The following RASGEF1A variants were observed in gnomAD, a reference collection of about 807,000 sequenced individuals.
RASGEF1A encodes the protein ras-GEF domain-containing family member 1A.
In RASGEF1A, 18 loss-of-function variants were observed where a neutral mutation model predicts 56.4. The ratio of observed to expected loss-of-function variants is 0.32; its 90% CI spans 0.22 to 0.47. RASGEF1A has a LOEUF of 0.47. Ranked by LOEUF, RASGEF1A falls within the 20% of genes least tolerant of loss-of-function variation. RASGEF1A has a pLI of 1.00. For synonymous variants in RASGEF1A, 245 were observed against 242.6 expected (o/e 1.01, Z -0.09); for missense variants, 422 against 627.1 (o/e 0.67, Z 3.49).
At chr10:43,229,278 A>G (rs1055929323) in intron 1 of RASGEF1A, among the ~76,000 whole-genome samples, 2 of 151,904 alleles carry the variant, frequency 1.3e-5, no homozygotes, top group Non-Finnish European at 2.9e-5. Context: ...CAGACCACAC[A>G]CCGCGGACCA....
chr10:43,231,971 C>T (rs575683599), intron 1 of RASGEF1A, among the ~76,000 whole-genome samples: 1 of 152,250 alleles, frequency 6.6e-6, no homozygotes, highest in African/African-American at 2.4e-5. Flanking sequence ...CCAGACACCT[C>T]CTTTAGGGGC....
intron 1 of RASGEF1A, among the ~76,000 whole-genome samples, chr10:43,213,577 G>A (rs1240994381): frequency 1.3e-5 from 2 of 152,194 alleles, no homozygotes; most frequent in East Asian, 3.9e-4. Context: ...TTGTGAAAGA[G>A]TACGAATGAC....
intron 1 of RASGEF1A, among the ~76,000 whole-genome samples, chr10:43,249,569 G>A (rs1400597255): frequency 1.3e-5 from 2 of 152,214 alleles, no homozygotes; most frequent in Non-Finnish European, 2.9e-5. Context: ...GCACACAGCG[G>A]TGCAGGGTCC....
intron 1 of RASGEF1A, among the ~76,000 whole-genome samples, chr10:43,225,237 T>C (rs1459737339): frequency 1.0e-5 from 1 of 96,014 alleles, no homozygotes; most frequent in East Asian, 3.9e-4. Flanking sequence ...TGTGTGTGCA[T>C]GTCTGTGTGT....
intron 1 of RASGEF1A, among the ~76,000 whole-genome samples, chr10:43,227,143 C>A (rs946679159): frequency 6.6e-6 from 1 of 152,200 alleles, no homozygotes; most frequent in African/African-American, 2.4e-5. Flanking sequence ...TTCCTCTGGT[C>A]ACTCACCAGC....
intron 1 of RASGEF1A, among the ~76,000 whole-genome samples, chr10:43,257,002 G>A (rs529604237): frequency 6.6e-6 from 1 of 152,190 alleles, no homozygotes; most frequent in South Asian, 2.1e-4. Flanking sequence ...TCTATTTTTA[G>A]GTTGTGTCTG....
chr10:43,210,556 C>G (rs1359255001), intron 1 of RASGEF1A, among the ~76,000 whole-genome samples: 1 of 152,208 alleles, frequency 6.6e-6, no homozygotes, highest in African/African-American at 2.4e-5. Flanking sequence ...TCAAAGACAC[C>G]GTGCCTGACC....
At chr10:43,222,589 C>A (rs1840222813) in intron 1 of RASGEF1A, among the ~76,000 whole-genome samples, 1 of 152,242 alleles carries the variant, frequency 6.6e-6, no homozygotes, top group Non-Finnish European at 1.5e-5. Context: ...GACAGGGAAG[C>A]TCCACGCCCC....
chr10:43,204,893 CT>C (rs1839970007), intron 2 of RASGEF1A, among the ~76,000 whole-genome samples: 1 of 152,232 alleles, frequency 6.6e-6, no homozygotes, highest in Non-Finnish European at 1.5e-5. Context: ...GGCCCCTCCC[CT>C]GGCTCTGCCC....
intron 1 of RASGEF1A, among the ~76,000 whole-genome samples, chr10:43,228,359 C>A (rs1840310465): frequency 6.6e-6 from 1 of 152,226 alleles, no homozygotes; most frequent in South Asian, 2.1e-4. Flanking sequence ...CGCTGGGCAC[C>A]AAGTGTGTCA....
chr10:43,228,529 G>A (rs564667416), intron 1 of RASGEF1A, among the ~76,000 whole-genome samples: 3 of 152,308 alleles, frequency 2.0e-5, no homozygotes, highest in African/African-American at 7.2e-5. Context: ...ATGTGACCCC[G>A]TCAGCCTGGG....
intron 1 of RASGEF1A, among the ~76,000 whole-genome samples, chr10:43,250,644 G>T (rs556775415): frequency 1.3e-5 from 2 of 151,208 alleles, no homozygotes; most frequent in Non-Finnish European, 2.9e-5. Context: ...GAAGGGGAAG[G>T]GGGGGGTCAG....
chr10:43,266,371 G>T (rs1304625804), intron 1 of RASGEF1A, among the ~76,000 whole-genome samples: 1 of 152,184 alleles, frequency 6.6e-6, no homozygotes, highest in African/African-American at 2.4e-5. Context: ...TCGCCAAACA[G>T]CAAGGGCGTG....
At position 43,264,926 on chromosome 10, in the gene RASGEF1A, T is replaced by C. The variant is rs866950622; in HGVS notation, c.-7+1919A>G. Among the ~76,000 whole-genome samples the C allele has an allele frequency of 4.3e-4, 65 of 152,244 alleles. 1 individual carries two copies. The highest frequency in any genetic ancestry group is 3.4e-3 in the Middle Eastern group (1 of 294). The stretch of plus-strand genomic sequence containing the variant: ...GGCTTCTGTGAAACCCACGGTTCTA[T>C]TGCCAAAAACCAAAGGCCAACCAAA... On this transcript the variant is annotated intron_variant, in intron 1 of 12. Coordinates refer to ENST00000395810, the MANE Select transcript of RASGEF1A (RefSeq NM_145313.4).
intron 1 of RASGEF1A, among the ~76,000 whole-genome samples, chr10:43,210,790 G>A (rs1840055601): frequency 6.6e-6 from 1 of 152,204 alleles, no homozygotes; most frequent in Non-Finnish European, 1.5e-5. Context: ...TGCCAGACCA[G>A]TCTCTGTGGG....
intron 1 of RASGEF1A, among the ~76,000 whole-genome samples, chr10:43,246,358 G>A (rs940283208): frequency 3.9e-5 from 6 of 152,120 alleles, no homozygotes; most frequent in Admixed American, 6.5e-5. Context: ...CAGATTCAAT[G>A]CAATCCCTAT....
At chr10:43,243,572 G>C (rs1468641610) in intron 1 of RASGEF1A, among the ~76,000 whole-genome samples, 1 of 149,188 alleles carries the variant, frequency 6.7e-6, no homozygotes, top group Non-Finnish European at 1.5e-5. Context: ...TCTGGGAGGT[G>C]AGGGGCGCCT....
chr10:43,255,109 C>G (rs916180707), intron 1 of RASGEF1A, among the ~76,000 whole-genome samples: 1 of 152,314 alleles, frequency 6.6e-6, no homozygotes, highest in African/African-American at 2.4e-5. Flanking sequence ...CAGAGTCCAG[C>G]CCCACCAGCC....
At position 43,229,270 on chromosome 10, in the gene RASGEF1A, G is replaced by A. The variant is rs564554600; in HGVS notation, c.-6-23148C>T. Among the ~76,000 whole-genome samples the A allele has an allele frequency of 8.5e-5, 13 of 152,258 alleles. No individual in the cohort carries two copies. In the East Asian group the frequency reaches 2.3e-3, roughly 27 times the overall value. ...CCCTCCCCCGCCTGCACCTCACACAGACCACACACCGCGGACCACCCCTCG... is the reference window on the plus strand; with the variant it reads ...CCCTCCCCCGCCTGCACCTCACACAAACCACACACCGCGGACCACCCCTCG... On this transcript the variant is annotated intron_variant, in intron 1 of 12. Coordinates refer to ENST00000395810, the MANE Select transcript of RASGEF1A (RefSeq NM_145313.4).
Sources: allele counts gnomAD v4.1 joint callset (sites outside exome capture counted in the v4.1 genomes callset), GRCh38; gene constraint gnomAD v4.1.1; transcripts MANE v1.5; gene names NCBI Gene and HGNC (gene_info 2026-07-23, HGNC 2026-07-21).